GLRA3: variants seen among roughly 807,000 people sequenced by gnomAD.
GLRA3 encodes the protein glycine receptor subunit alpha-3.
Under a neutral mutation model 60.4 loss-of-function variants are expected in GLRA3, and 44 were observed. The observed-to-expected ratio is 0.73, with a 90% CI of 0.57 to 0.94. The LOEUF is 0.94. Among genes scored for constraint, GLRA3 ranks in the 40% least tolerant of loss-of-function variants. The pLI is 0.00. For missense variants in GLRA3, 508 were observed against 564.6 expected (o/e 0.90, Z 1.02); for synonymous variants, 223 against 192.9 (o/e 1.16, Z -1.29).
chr4:174,724,444 C>T (rs565183502), intron 4 of GLRA3, among the ~76,000 whole-genome samples: 6 of 152,004 alleles, frequency 3.9e-5, no homozygotes, highest in Admixed American at 3.3e-4. Flanking sequence ...GAAATCTTAC[C>T]GGTCTCATTA....
At chr4:174,784,391 A>G (rs113836763) in intron 2 of GLRA3, among the ~76,000 whole-genome samples, 15,468 of 142,908 alleles carry the variant, frequency 0.11, 1,026 homozygotes, top group African/African-American at 0.17. Context: ...TGGGTGCAGC[A>G]CACCAGCATG....
At position 174,639,379 on chromosome 4, in the gene GLRA3, T is replaced by A. The variant is rs920348798; in HGVS notation, c.*4407A>T. On this transcript the variant is annotated 3_prime_UTR_variant, in exon 10 of 10. Coordinates refer to ENST00000274093, the MANE Select transcript of GLRA3 (RefSeq NM_006529.4). Reference sequence around the variant, plus strand: ...CTCATTACCAATATGTGTATGTGTGTGTGTGTGTGTGTGTGTGTGTGTGTG... The same window carrying A: ...CTCATTACCAATATGTGTATGTGTGAGTGTGTGTGTGTGTGTGTGTGTGTG... 1 of 25,464 alleles carries A rather than the reference T, an allele frequency of 3.9e-5. No individual in the cohort carries two copies. The highest frequency in any genetic ancestry group is 7.7e-5 in the Non-Finnish European group (1 of 13,002). The allele number at this position is 25,464 out of a possible 1,614,324, so 1.6% of individuals were successfully genotyped here. A position where few individuals can be genotyped will look rare whatever the true frequency, so the allele number is the denominator to read the frequency against.
chr4:174,714,046 ATCAGCCTCTCCTGTT>A (rs1466278224), intron 5 of GLRA3, among the ~76,000 whole-genome samples: 1 of 152,200 alleles, frequency 6.6e-6, no homozygotes, highest in Non-Finnish European at 1.5e-5. Context: ...ACCACTGCGA[ATCAGCCTCTCCTGTT>A]TCTACCTTCC....
chr4:174,683,433 C>T (rs887363323), intron 5 of GLRA3, among the ~76,000 whole-genome samples: 7 of 152,070 alleles, frequency 4.6e-5, no homozygotes, highest in African/African-American at 1.7e-4. Flanking sequence ...TCACCGCAAC[C>T]TCAGCCTCCT....
At chr4:174,727,385 T>TA (rs542235277) in intron 4 of GLRA3, among the ~76,000 whole-genome samples, 1 of 152,126 alleles carries the variant, frequency 6.6e-6, no homozygotes, top group South Asian at 2.1e-4. Flanking sequence ...AAGAGAGAGA[T>TA]AAAACAGAAT....
chr4:174,816,999 C>G (rs560394023), intron 1 of GLRA3, among the ~76,000 whole-genome samples: 1 of 151,990 alleles, frequency 6.6e-6, no homozygotes. Context: ...ACGATCTGAC[C>G]ATGCTCCTTT....
intron 9 of GLRA3, among the ~76,000 whole-genome samples, chr4:174,644,987 A>C (rs1732760495): frequency 6.6e-6 from 1 of 152,174 alleles, no homozygotes; most frequent in Non-Finnish European, 1.5e-5. Flanking sequence ...CTGGCTACCA[A>C]TGAGTAATGG....
intron 3 of GLRA3, among the ~76,000 whole-genome samples, chr4:174,742,743 T>C (rs1163356281): frequency 6.6e-6 from 1 of 152,186 alleles, no homozygotes; most frequent in Non-Finnish European, 1.5e-5. Flanking sequence ...TCATCACCTT[T>C]CCCAGAAGGA....
At chr4:174,744,635 T>C (rs190450562) in intron 3 of GLRA3, among the ~76,000 whole-genome samples, 4 of 152,312 alleles carry the variant, frequency 2.6e-5, no homozygotes, top group East Asian at 1.9e-4. Flanking sequence ...ATTGAAACCA[T>C]TGATACATAT....
chr4:174,806,798 G>C (rs1002610268), intron 1 of GLRA3, among the ~76,000 whole-genome samples: 8 of 151,916 alleles, frequency 5.3e-5, no homozygotes, highest in African/African-American at 1.9e-4. Flanking sequence ...GACTGTATAT[G>C]TATCTGTATA....
chr4:174,725,562 C>T (rs891555071), intron 4 of GLRA3, among the ~76,000 whole-genome samples: 1 of 152,150 alleles, frequency 6.6e-6, no homozygotes, highest in Non-Finnish European at 1.5e-5. Context: ...CTCACTGCAA[C>T]CGCTGCCTCT....
intron 5 of GLRA3, among the ~76,000 whole-genome samples, chr4:174,697,134 A>C (rs1395789382): frequency 6.6e-6 from 1 of 152,220 alleles, no homozygotes; most frequent in African/African-American, 2.4e-5. Flanking sequence ...ATATAAAAGA[A>C]GCACTTATTC....
chr4:174,691,972 G>C (rs534137869), intron 5 of GLRA3, among the ~76,000 whole-genome samples: 4 of 151,314 alleles, frequency 2.6e-5, no homozygotes, highest in African/African-American at 4.9e-5. Flanking sequence ...GCCGCCCATC[G>C]TCTGAGATAA....
chr4:174,687,577 T>C (rs1206630313), intron 5 of GLRA3, among the ~76,000 whole-genome samples: 1 of 152,208 alleles, frequency 6.6e-6, no homozygotes, highest in Admixed American at 6.5e-5. Flanking sequence ...AGTGAACTTA[T>C]CTGAACTTGT....
intron 5 of GLRA3, among the ~76,000 whole-genome samples, chr4:174,686,468 C>T (rs1734555658): frequency 6.6e-6 from 1 of 152,304 alleles, no homozygotes; most frequent in South Asian, 2.1e-4. Context: ...TCAACAATCT[C>T]ATATGGTAGC....
chr4:174,766,573 T>C (rs1302118707), intron 3 of GLRA3, among the ~76,000 whole-genome samples: 2 of 152,092 alleles, frequency 1.3e-5, no homozygotes, highest in Non-Finnish European at 2.9e-5. Flanking sequence ...AGTAATCGAA[T>C]TGAATATTTA....
chr4:174,692,785 C>T (rs1734905256), intron 5 of GLRA3, among the ~76,000 whole-genome samples: 1 of 151,812 alleles, frequency 6.6e-6, no homozygotes, highest in Admixed American at 6.6e-5. Flanking sequence ...CTCAAGTACC[C>T]AGGGACACAA....
At chr4:174,814,936 T>C (rs2111379713) in intron 1 of GLRA3, among the ~76,000 whole-genome samples, 1 of 152,240 alleles carries the variant, frequency 6.6e-6, no homozygotes, top group African/African-American at 2.4e-5. Flanking sequence ...CCCAAAGTCT[T>C]AACTCATTTC....
intron 2 of GLRA3, among the ~76,000 whole-genome samples, chr4:174,786,744 A>T (rs1579607042): frequency 6.6e-6 from 1 of 152,184 alleles, no homozygotes; most frequent in East Asian, 1.9e-4. Flanking sequence ...TAATCCATTA[A>T]ATTATTACTT....
Sources: gnomAD v4.1 joint callset for allele counts (sites outside exome capture counted in the v4.1 genomes callset) on GRCh38, gnomAD v4.1.1 for gene constraint, MANE v1.5 for transcripts, NCBI Gene and HGNC (gene_info 2026-07-23, HGNC 2026-07-21) for gene names.